The following RIPOR2 variants were observed in gnomAD, a reference collection of about 807,000 sequenced individuals.
RIPOR2 encodes the protein rho family-interacting cell polarization regulator 2.
RIPOR2 carries 39 observed loss-of-function variants against 114.5 expected under a neutral mutation model. The observed-to-expected ratio is 0.34, with a 90% CI of 0.26 to 0.44. The LOEUF (loss-of-function observed/expected upper bound fraction) is 0.44, where lower values mean the gene tolerates loss of function less well. Among genes scored for constraint, RIPOR2 ranks in the 20% least tolerant of loss-of-function variants. The pLI, the probability that RIPOR2 is intolerant of heterozygous loss-of-function variation, is 1.00. For missense variants in RIPOR2, 1,007 were observed against 1,255.1 expected, an observed-to-expected ratio of 0.80 and a Z score of 2.99; for synonymous variants, 445 against 484.4, an observed-to-expected ratio of 0.92 and a Z score of 1.07.
At chr6:24,850,191 G>T (rs933521511) in intron 10 of RIPOR2, among the ~76,000 whole-genome samples, 3 of 151,112 alleles carry the variant, frequency 2.0e-5, no homozygotes, top group Non-Finnish European at 4.4e-5. Context: ...TGACCTCCTG[G>T]GCTCAAGTGA....
At chr6:24,971,504 A>G (rs1353416530) in intron 1 of RIPOR2, among the ~76,000 whole-genome samples, 6 of 152,238 alleles carry the variant, frequency 3.9e-5, no homozygotes, top group Admixed American at 1.3e-4. Context: ...ATGTTGACTG[A>G]TAGTTCAGGA....
chr6:24,885,892 G>T (rs895020821), intron 1 of RIPOR2, among the ~76,000 whole-genome samples: 3 of 152,164 alleles, frequency 2.0e-5, no homozygotes, highest in South Asian at 4.1e-4. Flanking sequence ...CTAGAAACTA[G>T]CATCTTTTTG....
chr6:24,872,225 T>C (rs1353860744), intron 4 of RIPOR2, among the ~76,000 whole-genome samples: 1 of 152,168 alleles, frequency 6.6e-6, no homozygotes, highest in African/African-American at 2.4e-5. Flanking sequence ...TAGAAGAAAT[T>C]TGCAACATAA....
At chr6:24,877,963 A>AG (rs1562303289) in intron 1 of RIPOR2, among the ~76,000 whole-genome samples, 3 of 152,204 alleles carry the variant, frequency 2.0e-5, no homozygotes. Context: ...GCAGGTGACC[A>AG]GGGGTGACTC....
chr6:24,855,979 A>G (rs1763433991), intron 8 of RIPOR2, among the ~76,000 whole-genome samples: 1 of 152,194 alleles, frequency 6.6e-6, no homozygotes, highest in Non-Finnish European at 1.5e-5. Context: ...GGCGGCCGTG[A>G]GCCACTGAAC....
intron 1 of RIPOR2, among the ~76,000 whole-genome samples, chr6:24,986,083 T>C (rs774804722): frequency 1.3e-5 from 2 of 152,218 alleles, no homozygotes; most frequent in Admixed American, 1.3e-4. Flanking sequence ...TTTAGAAGAT[T>C]AATACTGTGT....
intron 17 of RIPOR2, 68 bp from the exon 18 acceptor site, chr6:24,828,363 A>T (rs1291891011): frequency 6.5e-6 from 7 of 1,078,642 alleles, no homozygotes; most frequent in Admixed American, 8.4e-5. Context: ...TTCATTCAAT[A>T]ATTTTTATTT....
chr6:24,977,059 T>C (rs9393602), intron 1 of RIPOR2: 252,314 of 1,355,578 alleles, frequency 0.19, 28,031 homozygotes, highest in East Asian at 0.55. Context: ...CCCATTTGCT[T>C]GCAGTATCCC....
At chr6:24,906,617 C>T (rs1769022677) in intron 1 of RIPOR2, among the ~76,000 whole-genome samples, 1 of 152,004 alleles carries the variant, frequency 6.6e-6, no homozygotes, top group Non-Finnish European at 1.5e-5. Context: ...GACTGTGCTC[C>T]CTAGAAGGTA....
intron 19 of RIPOR2, among the ~76,000 whole-genome samples, chr6:24,819,519 C>CT (rs142511353): frequency 0.013 from 1,830 of 145,510 alleles, 28 homozygotes; most frequent in Admixed American, 0.015. Flanking sequence ...AGTACATTAT[C>CT]TTTTTTTTTT....
At chr6:24,955,381 G>A (rs1436802676) in intron 1 of RIPOR2, among the ~76,000 whole-genome samples, 1 of 151,982 alleles carries the variant, frequency 6.6e-6, no homozygotes, top group Non-Finnish European at 1.5e-5. Flanking sequence ...CCTAGACCGG[G>A]GCATCTGAGC....
intron 1 of RIPOR2, among the ~76,000 whole-genome samples, chr6:24,997,874 C>T (rs1466745908): frequency 6.6e-6 from 1 of 152,146 alleles, no homozygotes; most frequent in African/African-American, 2.4e-5. Context: ...GAAATACATC[C>T]TCAGTCCCCA....
intron 8 of RIPOR2, among the ~76,000 whole-genome samples, chr6:24,859,304 G>A (rs896920883): frequency 2.0e-5 from 3 of 152,170 alleles, no homozygotes; most frequent in African/African-American, 4.8e-5. Context: ...GTTAGGCTGC[G>A]AGACTCTGCG....
At chr6:24,894,928 G>A (rs1430503865) in intron 1 of RIPOR2, among the ~76,000 whole-genome samples, 2 of 152,068 alleles carry the variant, frequency 1.3e-5, no homozygotes, top group Non-Finnish European at 2.9e-5. Context: ...ATTTACCCTT[G>A]TCCCAACCTC....
At chr6:24,912,515 A>T (rs955898286) in intron 1 of RIPOR2, among the ~76,000 whole-genome samples, 2 of 70,612 alleles carry the variant, frequency 2.8e-5, no homozygotes, top group African/African-American at 9.3e-5. Flanking sequence ...ACCTTAGTTT[A>T]CTCTCCAGAT....
At chr6:24,840,552 A>G in intron 13 of RIPOR2, 1 of 1,445,532 alleles carries the variant, frequency 6.9e-7, no homozygotes, top group Non-Finnish European at 9.1e-7. Context: ...GCAAGTTAGA[A>G]GCACTAAATG....
Position 24,825,238 on chromosome 6 carries a change from A to G in RIPOR2, c.2856T>C (p.His952=). 6.4e-7 allele frequency: 1 copy of G among 1,550,766 alleles called. No homozygotes were observed. Among genetic ancestry groups the G allele is most frequent in the Non-Finnish European group, 8.7e-7 (1 of 1,146,912 alleles). Residue 952 remains histidine, a synonymous_variant, in exon 19 of 22, where the codon CAT becomes CAC. Transcript: ENST00000643898. ...TTTAGTGTCTTACCTTTTCCCTGAA[A>G]TGCTGATTTTTGGAGGCTGCTGCCA... ...LYLAAASKNQ[H]FREKALLYYC...
intron 8 of RIPOR2, among the ~76,000 whole-genome samples, chr6:24,856,199 C>T (rs1055583226): frequency 1.3e-5 from 2 of 151,966 alleles, no homozygotes; most frequent in African/African-American, 4.8e-5. Context: ...AGAAACTCAC[C>T]AGCTCGTCCG....
chr6:25,041,876 G>T, exon 1 of RIPOR2: 1 of 702,920 alleles, frequency 1.4e-6, no homozygotes, highest in Non-Finnish European at 2.6e-6. Context: ...TCCGGATCCT[G>T]TCCCTCCATG....
Sources: gnomAD v4.1 joint callset for allele counts (sites outside exome capture counted in the v4.1 genomes callset) on GRCh38, gnomAD v4.1.1 for gene constraint, MANE v1.5 for transcripts, NCBI Gene and HGNC (gene_info 2026-07-23, HGNC 2026-07-21) for gene names.